Variants in MDFIC2 observed in about 807,000 individuals in gnomAD.
MDFIC2 encodes the protein myoD family inhibitor domain-containing protein 2.
chr3:70,258,116 A>T (rs768860323), intron 2 of MDFIC2, among the ~76,000 whole-genome samples: 4 of 152,212 alleles, frequency 2.6e-5, no homozygotes, highest in Non-Finnish European at 5.9e-5. Context: ...TTCATTTCAC[A>T]TCATAGACAA....
chr3:70,258,222 C>A (rs1173417647), intron 2 of MDFIC2, among the ~76,000 whole-genome samples: 1 of 151,984 alleles, frequency 6.6e-6, no homozygotes, highest in Non-Finnish European at 1.5e-5. Flanking sequence ...CAACTTTGAG[C>A]AATAGGGTGG....
In MDFIC2 at chr3:70,196,314, A is replaced by T. The variant is rs1253490903; in HGVS notation, c.*612T>A. On this transcript the variant is annotated 3_prime_UTR_variant, in exon 4 of 4. Coordinates refer to ENST00000567252, the MANE Select transcript of MDFIC2 (RefSeq NM_001364677.1). ...TTGAAGTACACCATATTCAAAATTC[A>T]CTGGAGATGTTTTAGAGACATCTGT... Among the ~76,000 whole-genome samples, 1 of 152,356 alleles carries T rather than the reference A, an allele frequency of 6.6e-6. No homozygotes were observed. The highest frequency in any genetic ancestry group is 6.5e-5 in the Admixed American group (1 of 15,306).
chr3:70,198,384 G>A (rs192249573), intron 3 of MDFIC2, among the ~76,000 whole-genome samples: 19 of 152,116 alleles, frequency 1.2e-4, no homozygotes, highest in Admixed American at 1.0e-3. Flanking sequence ...TCTTATCGCC[G>A]TATTCATTTA....
At chr3:70,287,359 T>C (rs1702177081) in intron 2 of MDFIC2, among the ~76,000 whole-genome samples, 2 of 149,850 alleles carry the variant, frequency 1.3e-5, no homozygotes, top group South Asian at 4.4e-4. Context: ...CTGGATTACA[T>C]TTATTGATTT....
chr3:70,249,528 C>T (rs1274520985), intron 2 of MDFIC2: 3 of 152,124 alleles, frequency 2.0e-5, no homozygotes, highest in Non-Finnish European at 4.4e-5. Flanking sequence ...ATCCTTTCCC[C>T]TCTCTCTTTT....
At chr3:70,283,784 A>AG (rs1702112742) in intron 2 of MDFIC2, 1 of 151,168 alleles carries the variant, frequency 6.6e-6, no homozygotes, top group African/African-American at 2.4e-5. Context: ...TAAAAAAAAA[A>AG]AGAGAGAGAA....
intron 2 of MDFIC2, among the ~76,000 whole-genome samples, chr3:70,225,184 C>T (rs1033050395): frequency 1.3e-5 from 2 of 151,332 alleles, no homozygotes; most frequent in Non-Finnish European, 2.9e-5. Context: ...AACTAGTCCA[C>T]AAAAGAAATT....
At chr3:70,197,408 T>G (rs1458012593) in intron 3 of MDFIC2, among the ~76,000 whole-genome samples, 1 of 152,230 alleles carries the variant, frequency 6.6e-6, no homozygotes. Flanking sequence ...TTCCTATTGA[T>G]TCGACATAAT....
At chr3:70,221,482 C>G (rs1023258425) in intron 2 of MDFIC2, among the ~76,000 whole-genome samples, 7 of 151,932 alleles carry the variant, frequency 4.6e-5, no homozygotes, top group South Asian at 2.1e-4. Context: ...ACAGCCTTTC[C>G]TCTTAACCAC....
At chr3:70,199,939 T>C (rs1701222017) in intron 3 of MDFIC2, among the ~76,000 whole-genome samples, 1 of 152,196 alleles carries the variant, frequency 6.6e-6, no homozygotes, top group South Asian at 2.1e-4. Flanking sequence ...ATTTTGGATC[T>C]CTCTCTCCCC....
chr3:70,267,712 A>G (rs6785155), intron 2 of MDFIC2, among the ~76,000 whole-genome samples: 70,612 of 151,292 alleles, frequency 0.47, 17,198 homozygotes, highest in East Asian at 0.76. Context: ...CACCCCGCCC[A>G]GCCTAAAATA....
At chr3:70,274,583 GACACAT>G in intron 2 of MDFIC2, among the ~76,000 whole-genome samples, 1 of 152,132 alleles carries the variant, frequency 6.6e-6, no homozygotes, top group Admixed American at 6.5e-5. Flanking sequence ...GAACAATGAG[GACACAT>G]GGACACATGG....
At chr3:70,234,765 G>A (rs548686148) in intron 2 of MDFIC2, among the ~76,000 whole-genome samples, 9 of 152,102 alleles carry the variant, frequency 5.9e-5, no homozygotes, top group Admixed American at 2.0e-4. Context: ...TTTCTATTTC[G>A]TCCCTCACTT....
chr3:70,205,548 C>A (rs183643212), intron 3 of MDFIC2: 1 of 151,900 alleles, frequency 6.6e-6, no homozygotes, highest in South Asian at 2.1e-4. Flanking sequence ...GTGCTTTATA[C>A]GTTATTTTTT....
intron 2 of MDFIC2, among the ~76,000 whole-genome samples, chr3:70,299,473 CT>C (rs1559557824): frequency 6.6e-6 from 1 of 151,878 alleles, no homozygotes; most frequent in Admixed American, 6.6e-5. Flanking sequence ...GCACATACCC[CT>C]AGAGACATAT....
At chr3:70,217,883 A>T (rs950034222) in intron 2 of MDFIC2, among the ~76,000 whole-genome samples, 1 of 152,150 alleles carries the variant, frequency 6.6e-6, no homozygotes, top group Non-Finnish European at 1.5e-5. Flanking sequence ...ATCAGCATCT[A>T]TCAGGTTAAT....
intron 2 of MDFIC2, among the ~76,000 whole-genome samples, chr3:70,248,857 G>GT (rs1025581605): frequency 6.6e-6 from 1 of 152,096 alleles, no homozygotes; most frequent in Middle Eastern, 3.2e-3. Flanking sequence ...TGACTCAATT[G>GT]AAAGGAAATC....
At chr3:70,244,233 T>G (rs1316773322) in intron 2 of MDFIC2, among the ~76,000 whole-genome samples, 1 of 152,188 alleles carries the variant, frequency 6.6e-6, no homozygotes, top group Non-Finnish European at 1.5e-5. Context: ...TGCACTCCAG[T>G]AAGGAACTAA....
chr3:70,305,639 C>T (rs1702393261), intron 2 of MDFIC2, among the ~76,000 whole-genome samples: 1 of 152,158 alleles, frequency 6.6e-6, no homozygotes, highest in Non-Finnish European at 1.5e-5. Flanking sequence ...AGAGGAGCCA[C>T]ATCAAATGGT....
Sources: gnomAD v4.1 joint callset for allele counts (sites outside exome capture counted in the v4.1 genomes callset) on GRCh38, gnomAD v4.1.1 for gene constraint, MANE v1.5 for transcripts, NCBI Gene and HGNC (gene_info 2026-07-23, HGNC 2026-07-21) for gene names.